Variants in GLCCI1 observed in about 807,000 individuals in gnomAD.
GLCCI1 encodes glucocorticoid-induced transcript 1 protein.
In GLCCI1, 24 loss-of-function variants were observed where a neutral mutation model predicts 52.2. That is an observed-to-expected ratio of 0.46 (90% CI 0.33 to 0.65). The LOEUF (loss-of-function observed/expected upper bound fraction) is 0.65, where lower values mean the gene tolerates loss of function less well. Among genes scored for constraint, GLCCI1 ranks in the 30% least tolerant of loss-of-function variants. The pLI is 0.02. For synonymous variants in GLCCI1, 310 were observed against 276.5 expected, an observed-to-expected ratio of 1.12 and a Z score of -1.20; for missense variants, 704 against 701.5, an observed-to-expected ratio of 1.00 and a Z score of -0.04.
At chr7:7,999,558 G>A (rs556768661) in intron 1 of GLCCI1, among the ~76,000 whole-genome samples, 2 of 151,710 alleles carry the variant, frequency 1.3e-5, no homozygotes, top group African/African-American at 2.4e-5. Context: ...AGTGAGCTAC[G>A]ATCACGCCGG....
In GLCCI1 at chr7:8,026,522, T is replaced by C. The variant is rs368560569; in HGVS notation, c.696+3953T>C. 2.0e-5 allele frequency among the ~76,000 whole-genome samples: 3 copies of C among 152,234 alleles called. No homozygotes were observed. The South Asian group carries it at 6.2e-4, about 32-fold the overall frequency. ...TAAGTTCATAGCACCAAAAGAGGCATTGAGTAGGCCAGGAGAGAGAGTCTT... is the reference window on the plus strand; with the variant it reads ...TAAGTTCATAGCACCAAAAGAGGCACTGAGTAGGCCAGGAGAGAGAGTCTT... On this transcript the variant is annotated intron_variant, in intron 3 of 7. Coordinates refer to ENST00000223145, the MANE Select transcript of GLCCI1 (RefSeq NM_138426.4).
At chr7:7,973,148 GTAT>G (rs1780390637) in intron 1 of GLCCI1, among the ~76,000 whole-genome samples, 1 of 152,054 alleles carries the variant, frequency 6.6e-6, no homozygotes, top group East Asian at 1.9e-4. Context: ...AAATCATAAA[GTAT>G]TATGCAAATA....
chr7:8,022,440 GAGATAA>G (rs780616244), intron 2 of GLCCI1, 37 bp from the exon 3 acceptor site: 1 of 1,080,664 alleles, frequency 9.3e-7, no homozygotes, highest in Non-Finnish European at 1.3e-6. Context: ...TTAGGAAGTA[GAGATAA>G]AATTTCTTAT....
chr7:7,982,043 T>C (rs1458998131), intron 1 of GLCCI1: 3 of 459,588 alleles, frequency 6.5e-6, no homozygotes, highest in Admixed American at 5.2e-5. Context: ...TTGGGAGAAA[T>C]GAAAGAGTAA....
chr7:8,040,315 A>G (rs1289033003), intron 3 of GLCCI1, among the ~76,000 whole-genome samples: 2 of 151,978 alleles, frequency 1.3e-5, no homozygotes, highest in Admixed American at 1.3e-4. Flanking sequence ...GTAAGAGTTC[A>G]TCTCTACAAA....
chr7:7,979,678 A>G (rs993582599), intron 1 of GLCCI1, among the ~76,000 whole-genome samples: 3 of 152,178 alleles, frequency 2.0e-5, no homozygotes, highest in Non-Finnish European at 4.4e-5. Context: ...AGAAGTCTGA[A>G]CTGTATTGTT....
intron 1 of GLCCI1, among the ~76,000 whole-genome samples, chr7:7,998,903 A>AT (rs1205804708): frequency 6.6e-6 from 1 of 152,020 alleles, no homozygotes; most frequent in African/African-American, 2.4e-5. Context: ...CCCAAAATTT[A>AT]TTTTTTGAGA....
intron 5 of GLCCI1, among the ~76,000 whole-genome samples, chr7:8,061,209 C>G (rs952389867): frequency 1.3e-5 from 2 of 151,538 alleles, no homozygotes; most frequent in African/African-American, 4.9e-5. Flanking sequence ...ACGCCATTCT[C>G]CTGCCTCAGC....
intron 3 of GLCCI1, chr7:8,024,661 C>T (rs1781573090): frequency 6.6e-6 from 1 of 152,164 alleles, no homozygotes; most frequent in Non-Finnish European, 1.5e-5. Context: ...ATATGACATA[C>T]ACTCTTAAAA....
chr7:8,064,219 T>G (rs1446049579), intron 5 of GLCCI1, among the ~76,000 whole-genome samples: 1 of 152,170 alleles, frequency 6.6e-6, no homozygotes, highest in Non-Finnish European at 1.5e-5. Flanking sequence ...TATCTTCTGG[T>G]GTTTTTATAG....
At position 8,052,767 on chromosome 7, in the gene GLCCI1, A is replaced by G. The variant is rs17142444; in HGVS notation, c.697-2666A>G. 7.2e-3 allele frequency among the ~76,000 whole-genome samples: 1,103 copies of G among 152,308 alleles called. 15 individuals carry two copies. Among genetic ancestry groups the G allele is most frequent in the African/African-American group, 0.025 (1,049 of 41,550 alleles). On this transcript the variant is annotated intron_variant, in intron 3 of 7. Transcript: ENST00000223145. ...AACTGAGGACACCAGGTCTCTTGCT[A>G]GTGATAATCTATAACATTTTTCCTG... is the stretch of plus-strand genomic sequence containing the variant.
At chr7:8,068,705 C>T (rs751185138) in intron 5 of GLCCI1, among the ~76,000 whole-genome samples, 21 of 152,272 alleles carry the variant, frequency 1.4e-4, no homozygotes, top group African/African-American at 3.6e-4. Context: ...GGAAAGAAGA[C>T]GCTGTGGCTT....
At chr7:8,004,627 C>A (rs1436947464) in intron 2 of GLCCI1, among the ~76,000 whole-genome samples, 1 of 152,112 alleles carries the variant, frequency 6.6e-6, no homozygotes, top group Non-Finnish European at 1.5e-5. Context: ...GAGTTCTTGA[C>A]CATATCTTCA....
intron 6 of GLCCI1, among the ~76,000 whole-genome samples, chr7:8,082,991 A>G (rs1210156872): frequency 6.6e-6 from 1 of 152,210 alleles, no homozygotes; most frequent in Non-Finnish European, 1.5e-5. Context: ...AACTACTGAC[A>G]TGACTGCTAA....
chr7:8,018,510 G>A (rs920768355), intron 2 of GLCCI1, among the ~76,000 whole-genome samples: 27 of 152,138 alleles, frequency 1.8e-4, no homozygotes, highest in African/African-American at 6.3e-4. Context: ...CTTTAGTCCT[G>A]TGCAGTGGGA....
chr7:8,058,311 T>G (rs1782442925), intron 4 of GLCCI1, among the ~76,000 whole-genome samples: 1 of 152,188 alleles, frequency 6.6e-6, no homozygotes, highest in African/African-American at 2.4e-5. Context: ...TTCAGTATTT[T>G]TCAAATAGCA....
chr7:8,085,057 T>A, intron 7 of GLCCI1, 40 bp downstream of exon 7: 1 of 1,610,186 alleles, frequency 6.2e-7, no homozygotes, highest in Non-Finnish European at 8.5e-7. Context: ...TCTGCAAAGC[T>A]GTAAAGCTTT....
At chr7:8,002,241 C>T (rs1781063867) in intron 1 of GLCCI1, among the ~76,000 whole-genome samples, 1 of 151,638 alleles carries the variant, frequency 6.6e-6, no homozygotes, top group African/African-American at 2.4e-5. Context: ...AAGTCTGTAA[C>T]AGATAAAACT....
chr7:8,085,272 T>G (rs142649692), intron 7 of GLCCI1, among the ~76,000 whole-genome samples: 26 of 152,318 alleles, frequency 1.7e-4, no homozygotes, highest in African/African-American at 5.3e-4. Context: ...TTTTTAATCA[T>G]TAAGAATTGT....
Sources: allele counts gnomAD v4.1 joint callset (sites outside exome capture counted in the v4.1 genomes callset), GRCh38; gene constraint gnomAD v4.1.1; transcripts MANE v1.5; gene names NCBI Gene and HGNC (gene_info 2026-07-23, HGNC 2026-07-21).